TP53I3: variants seen among roughly 807,000 people sequenced by gnomAD.
TP53I3 encodes tumor protein p53 inducible protein 3.
A neutral mutation model predicts 27.7 loss-of-function variants in TP53I3; 32 were observed. That is an observed-to-expected ratio of 1.16 (90% CI 0.87 to 1.55). The LOEUF is 1.55. Ranked by LOEUF, TP53I3 falls within the 40% of genes most tolerant of loss-of-function variation. The probability of loss-of-function intolerance (pLI) is 0.00; values close to 1 mark genes in which losing one functional copy is unlikely to be tolerated. For missense variants in TP53I3, 372 were observed against 412.3 expected (o/e 0.90, Z 0.85); for synonymous variants, 138 against 167.8 (o/e 0.82, Z 1.37).
In TP53I3 at chr2:24,084,408, G is replaced by A. The variant is rs1015025553; in HGVS notation, c.-82C>T. 2 of 1,445,054 alleles carry A rather than the reference G, an allele frequency of 1.4e-6. No individual in the cohort carries two copies. The highest frequency in any genetic ancestry group is 1.8e-6 in the Non-Finnish European group (2 of 1,086,590). The allele number at this position is 1,445,054 out of a possible 1,614,324, so 89.5% of individuals were successfully genotyped here. Reference sequence around the variant, plus strand: ...GGACAGGACAGGGCAGGGCAGGACAGGACAGGGCAGGGGCCGCTGTATCCT... The same window carrying A: ...GGACAGGACAGGGCAGGGCAGGACAAGACAGGGCAGGGGCCGCTGTATCCT... On this transcript the variant is annotated 5_prime_UTR_variant, in exon 1 of 5. Transcript: ENST00000238721. This position sits in a 1 kb window ranked among gnomAD's most constrained non-coding sequence, Gnocchi z 8.4.
rs1664954700 is a variant in TP53I3 at position 24,080,629 on chromosome 2, C to G, written c.619+190G>C. On this transcript the variant is annotated intron_variant, in intron 3 of 4. Coordinates refer to ENST00000238721, the MANE Select transcript of TP53I3 (RefSeq NM_004881.5). The surrounding 1 kb of genome is among the most constrained non-coding windows in gnomAD (Gnocchi z 4.7). ...TCTCTTGCAAGAATGCACATGGAAA[C>G]CATCTTAGATTTAAATATGACTGCC... 7.4e-6 allele frequency: 5 copies of G among 674,040 alleles called. No homozygotes were observed. The highest frequency in any genetic ancestry group is 1.8e-5 in the African/African-American group (1 of 55,596). The allele number at this position is 674,040 out of a possible 1,614,324, so 41.8% of individuals were successfully genotyped here. A position where few individuals can be genotyped will look rare whatever the true frequency, so the allele number is the denominator to read the frequency against.
At position 24,084,428 on chromosome 2, in the gene TP53I3, T is replaced by A; in HGVS notation, c.-102A>T. 1 of 1,365,996 alleles carries A rather than the reference T, an allele frequency of 7.3e-7. No individual in the cohort carries two copies. The highest frequency in any genetic ancestry group is 9.6e-7 in the Non-Finnish European group (1 of 1,038,114). The allele number at this position is 1,365,996 out of a possible 1,614,324, so 84.6% of individuals were successfully genotyped here. A position where few individuals can be genotyped will look rare whatever the true frequency, so the allele number is the denominator to read the frequency against. Reference sequence around the variant, plus strand: ...GGACAGGACAGGGCAGGGGCCGCTGTATCCTCGCGGAGCAGCCCAGCCTCA... The same window carrying A: ...GGACAGGACAGGGCAGGGGCCGCTGAATCCTCGCGGAGCAGCCCAGCCTCA... On this transcript the variant is annotated 5_prime_UTR_variant, in exon 1 of 5. Coordinates refer to ENST00000238721, the MANE Select transcript of TP53I3 (RefSeq NM_004881.5). This position sits in a 1 kb window ranked among gnomAD's most constrained non-coding sequence, Gnocchi z 8.4.
rs569502218 is a variant in TP53I3 at position 24,082,822 on chromosome 2, A to G, written c.406+63T>C. The stretch of plus-strand genomic sequence containing the variant: ...TGCCCTGGGGGATTGCTGGGATTCA[A>G]GTTGGCTGATTTATGAAGGTGTTGA... On this transcript the variant is annotated intron_variant, in intron 2 of 4. Transcript: ENST00000238721. 4 of 1,518,612 alleles carry G rather than the reference A, an allele frequency of 2.6e-6. No individual in the cohort carries two copies. The Admixed American group carries it at 6.1e-5, about 23-fold the overall frequency. 94.1% of individuals were successfully genotyped at this position (1,518,612 alleles called of 1,614,324 possible). A position where few individuals can be genotyped will look rare whatever the true frequency, so the allele number is the denominator to read the frequency against.
Position 24,084,264 on chromosome 2 carries a change from G to T in TP53I3, c.63C>A (p.Ala21=). 4.3e-6 allele frequency: 7 copies of T among 1,613,996 alleles called. No individual in the cohort carries two copies. The highest frequency in any genetic ancestry group is 5.1e-6 in the Non-Finnish European group (6 of 1,179,948). ...GPENLYVKEV[A]KPSPGEGEVL... ...CTTCACCCTCCCCCGGGCTCGGCTT[G>T]GCCACCTCCTTCACGTAGAGGTTTT... is the stretch of plus-strand genomic sequence containing the variant. The change falls in exon 1 of 5, where the codon GCC becomes GCA. Residue 21 remains alanine, a synonymous_variant. Coordinates refer to ENST00000238721, the MANE Select transcript of TP53I3 (RefSeq NM_004881.5). This position sits in a 1 kb window ranked among gnomAD's most constrained non-coding sequence, Gnocchi z 8.4.
chr2:24,083,092 C>A lies in TP53I3; in HGVS notation c.199G>T (p.Gly67Ter), dbSNP rs1194908515. The A allele has an allele frequency of 6.2e-7, 1 of 1,614,102 alleles. No individual in the cohort carries two copies. Among genetic ancestry groups the A allele is most frequent in the Admixed American group, 1.7e-5 (1 of 60,020 alleles). The change falls in exon 2 of 5, where the codon GGA becomes TGA. Residue 67 changes from glycine (G) to a stop codon, truncating the protein, a stop_gained. Transcript: ENST00000238721. LOFTEE classifies it high-confidence loss of function. Reference protein sequence around the residue: ...ASNILGLEASGHVAELGPGCQ... With the variant: ...ASNILGLEAS The stretch of plus-strand genomic sequence containing the variant: ...CCAGGCCCCAGCTCTGCCACATGTC[C>A]AGATGCCTCAAGTCCCAAAATGTTG...
At chr2:24,082,785 A>G (rs984581124) in intron 2 of TP53I3, 100 bp downstream of exon 2, 12 of 1,426,450 alleles carry the variant, frequency 8.4e-6, no homozygotes, top group Non-Finnish European at 1.1e-5. Context: ...GTGATACAGG[A>G]AGGCCTGGGA....
Position 24,077,858 on chromosome 2 carries a change from T to C in TP53I3, c.817-97A>G, listed in dbSNP as rs953491835. ...TTCTTGCTCTCTCTGAAGCCACGTA[T>C]CTGAAAAAGCACACAGGGACACTTA... On this transcript the variant is annotated intron_variant, in intron 4 of 4. Coordinates refer to ENST00000238721, the MANE Select transcript of TP53I3 (RefSeq NM_004881.5). This position sits in a 1 kb window ranked among gnomAD's most constrained non-coding sequence, Gnocchi z 5.5. 3.6e-6 allele frequency: 5 copies of C among 1,394,190 alleles called. No individual in the cohort carries two copies. Among genetic ancestry groups the C allele is most frequent in the Admixed American group, 2.2e-5 (1 of 45,102 alleles). 86.4% of individuals were successfully genotyped at this position (1,394,190 alleles called of 1,614,324 possible). A position where few individuals can be genotyped will look rare whatever the true frequency, so the allele number is the denominator to read the frequency against.
In TP53I3 at chr2:24,084,393, G is replaced by A; in HGVS notation, c.-67C>T. On this transcript the variant is annotated 5_prime_UTR_variant, in exon 1 of 5. Transcript: ENST00000238721. The surrounding 1 kb of genome is among the most constrained non-coding windows in gnomAD (Gnocchi z 8.4). ...GGGCAGGGCAGGGCAGGACAGGACAGGGCAGGGCAGGACAGGACAGGGCAG... is the reference window on the plus strand; with the variant it reads ...GGGCAGGGCAGGGCAGGACAGGACAAGGCAGGGCAGGACAGGACAGGGCAG... 1.3e-6 allele frequency: 2 copies of A among 1,512,272 alleles called. No individual in the cohort carries two copies. The highest frequency in any genetic ancestry group is 1.4e-5 in the African/African-American group (1 of 73,532). 93.7% of individuals were successfully genotyped at this position (1,512,272 alleles called of 1,614,324 possible). A position where few individuals can be genotyped will look rare whatever the true frequency, so the allele number is the denominator to read the frequency against.
intron 2 of TP53I3, 57 bp from the exon 3 acceptor site, chr2:24,081,088 C>T (rs1664981742): frequency 6.8e-7 from 1 of 1,473,378 alleles, no homozygotes; most frequent in Non-Finnish European, 9.2e-7. Context: ...ATTCCCCACA[C>T]AGGCATATTC....
Position 24,084,101 on chromosome 2 carries a change from CCTTCACGT to C in TP53I3, c.138+80_138+87del. Reference sequence around the variant, plus strand: ...CCTGCTGGGTGTGGAGCGGTGCACGCCTTCACGTCTGGTCAATGTCCACTGAGTGCTGT... The same window carrying C: ...CCTGCTGGGTGTGGAGCGGTGCACGCCTGGTCAATGTCCACTGAGTGCTGT... On this transcript the variant is annotated intron_variant, in intron 1 of 4. Transcript: ENST00000238721. This position sits in a 1 kb window ranked among gnomAD's most constrained non-coding sequence, Gnocchi z 8.4. 6.7e-7 allele frequency: 1 copy of C among 1,500,662 alleles called. No individual in the cohort carries two copies. The highest frequency in any genetic ancestry group is 8.9e-7 in the Non-Finnish European group (1 of 1,127,814). 93.0% of individuals were successfully genotyped at this position (1,500,662 alleles called of 1,614,324 possible). A position where few individuals can be genotyped will look rare whatever the true frequency, so the allele number is the denominator to read the frequency against.
At chr2:24,081,720 A>C (rs1665011108) in intron 2 of TP53I3, among the ~76,000 whole-genome samples, 1 of 139,690 alleles carries the variant, frequency 7.2e-6, no homozygotes, top group African/African-American at 2.7e-5. Context: ...ACGGAGTCTC[A>C]CTCTGTCACC....
At position 24,080,848 on chromosome 2, in the gene TP53I3, A is replaced by C. The variant is rs745394241; in HGVS notation, c.590T>G (p.Phe197Cys). The C allele has an allele frequency of 6.2e-7, 1 of 1,614,184 alleles. No homozygotes were observed. Residue 197 changes from phenylalanine to cysteine, a missense_variant, in exon 3 of 5, where the codon TTC (phenylalanine) becomes TGC (cysteine). Phe to Cys is a radical substitution (Grantham distance 205). Transcript: ENST00000238721. The surrounding 1 kb of genome is among the most constrained non-coding windows in gnomAD (Gnocchi z 4.7). ...AAGFNYKKEDFSEATLKFTKG... is the reference protein window; with the variant it reads ...AAGFNYKKEDCSEATLKFTKG... ...GGTGAATTTCAGCGTTGCTTCAGAG[A>C]AATCCTCTTTTTTGTAATTGAATCC...
At chr2:24,083,301 G>A in intron 1 of TP53I3, 149 bp from the exon 2 acceptor site, 1 of 1,014,578 alleles carries the variant, frequency 9.9e-7, no homozygotes, top group Non-Finnish European at 1.4e-6. Flanking sequence ...AGAAGAAAAA[G>A]GAGAGGCCAT....
chr2:24,084,365 ACAGGGCAGGG>A lies in TP53I3; in HGVS notation c.-49_-40del, dbSNP rs771776191. On this transcript the variant is annotated 5_prime_UTR_variant, in exon 1 of 5. Transcript: ENST00000238721. This position sits in a 1 kb window ranked among gnomAD's most constrained non-coding sequence, Gnocchi z 8.4. ...ACAGGGCAGGGCAGGGCAGGACAGGACAGGGCAGGGCAGGGCAGGACAGGACAGGGCAGGG... is the reference window on the plus strand; with the variant it reads ...ACAGGGCAGGGCAGGGCAGGACAGGACAGGGCAGGACAGGACAGGGCAGGG... 1.3e-6 allele frequency: 2 copies of A among 1,555,440 alleles called. No individual in the cohort carries two copies. The highest frequency in any genetic ancestry group is 2.3e-5 in the South Asian group (2 of 87,134).
At position 24,080,339 on chromosome 2, in the gene TP53I3, A is replaced by C. The variant is rs1664941944; in HGVS notation, c.619+480T>G. On this transcript the variant is annotated intron_variant, in intron 3 of 4. Transcript: ENST00000238721. The surrounding 1 kb of genome is among the most constrained non-coding windows in gnomAD (Gnocchi z 4.7). ...CACTGCACGCCATCCTCAGTGACAG[A>C]GTGAGACTCCATCTCAAAAAAAAAA... Among the ~76,000 whole-genome samples, 2 of 151,296 alleles carry C rather than the reference A, an allele frequency of 1.3e-5. No homozygotes were observed. The highest frequency in any genetic ancestry group is 4.2e-4 in the South Asian group (2 of 4,768).
rs1665172555 is a variant in TP53I3, at chr2:24,084,463, C to T, written c.-137G>A. The T allele has an allele frequency of 8.8e-7, 1 of 1,136,592 alleles. No homozygotes were observed. The highest frequency in any genetic ancestry group is 3.6e-5 in the Admixed American group (1 of 27,594). The allele number at this position is 1,136,592 out of a possible 1,614,324, so 70.4% of individuals were successfully genotyped here. On this transcript the variant is annotated 5_prime_UTR_variant, in exon 1 of 5. Coordinates refer to ENST00000238721, the MANE Select transcript of TP53I3 (RefSeq NM_004881.5). The surrounding 1 kb of genome is among the most constrained non-coding windows in gnomAD (Gnocchi z 8.4). ...GAGCAGCCCAGCCTCAGGCTGGCACCGCAGCGCCCCCTGCCGGCCAGCGCC... is the reference window on the plus strand; with the variant it reads ...GAGCAGCCCAGCCTCAGGCTGGCACTGCAGCGCCCCCTGCCGGCCAGCGCC...
In TP53I3 at chr2:24,080,958, G is replaced by A; in HGVS notation, c.480C>T (p.Leu160=). 6.2e-7 allele frequency: 1 copy of A among 1,614,200 alleles called. No homozygotes were observed. The highest frequency in any genetic ancestry group is 8.5e-7 in the Non-Finnish European group (1 of 1,180,028). Residue 160 remains leucine (L), a synonymous_variant, in exon 3 of 5, where the codon CTC becomes CTT. Transcript: ENST00000238721. This position sits in a 1 kb window ranked among gnomAD's most constrained non-coding sequence, Gnocchi z 4.7. ...LSGVGTAAIQ[L]TRMAGAIPLV... ...GAGGAATAGCTCCAGCCATCCGGGT[G>A]AGTTGGATAGCAGCTGTGCCCACAC...
rs759101248 is a variant in TP53I3 at position 24,079,554 on chromosome 2, C to T, written c.706G>A (p.Val236Ile). The T allele has an allele frequency of 1.2e-6, 2 of 1,614,158 alleles. No homozygotes were observed. Among genetic ancestry groups the T allele is most frequent in the Non-Finnish European group, 1.7e-6 (2 of 1,180,040 alleles). Residue 236 changes from valine (V) to isoleucine (I), a missense_variant, in exon 4 of 5, where the codon GTT (valine) becomes ATT (isoleucine). Physicochemically the swap from Val to Ile is conservative, Grantham distance 29. Coordinates refer to ENST00000238721, the MANE Select transcript of TP53I3 (RefSeq NM_004881.5). ...VNCLALDGRW[V>I]LYGLMGGGDI... Reference sequence around the variant, plus strand: ...CCTCCTCCCATCAGACCATAGAGAACCCATCGACCATCAAGAGCCAGGCAG... The same window carrying T: ...CCTCCTCCCATCAGACCATAGAGAATCCATCGACCATCAAGAGCCAGGCAG...
Position 24,083,011 on chromosome 2 carries a change from C to G in TP53I3, c.280G>C (p.Gly94Arg). 1.2e-6 allele frequency: 2 copies of G among 1,614,098 alleles called. No individual in the cohort carries two copies. Among genetic ancestry groups the G allele is most frequent in the Non-Finnish European group, 8.5e-7 (1 of 1,180,002 alleles). The change falls in exon 2 of 5, where the codon GGC becomes CGC. Residue 94 changes from glycine (G) to arginine (R), a missense_variant. Gly to Arg is a moderately radical substitution (Grantham distance 125). Transcript: ENST00000238721. ...GGGACAGTGACGTACTGAGCCTGGC[C>G]CCCACCGGGGAGCAGAGCCATGGCT... is the stretch of plus-strand genomic sequence containing the variant. ...DTAMALLPGG[G>R]QAQYVTVPEG...
Sources: allele counts gnomAD v4.1 joint callset (sites outside exome capture counted in the v4.1 genomes callset), GRCh38; gene constraint gnomAD v4.1.1; non-coding constraint Gnocchi (gnomAD v3.1); transcripts MANE v1.5; gene names NCBI Gene and HGNC (gene_info 2026-07-23, HGNC 2026-07-21).